Variants in ZHX2 observed in about 807,000 individuals in gnomAD.
ZHX2 encodes zinc fingers and homeoboxes 2.
Under a neutral mutation model 21.9 loss-of-function variants are expected in ZHX2, and 6 were observed. The observed-to-expected ratio is 0.27, with a 90% CI of 0.15 to 0.54. The LOEUF (loss-of-function observed/expected upper bound fraction) is 0.54. Among genes scored for constraint, ZHX2 ranks in the 20% least tolerant of loss-of-function variants. The pLI is 0.95. For synonymous variants in ZHX2, 434 were observed against 437.1 expected, an observed-to-expected ratio of 0.99 and a Z score of 0.09; for missense variants, 908 against 1,090.7, an observed-to-expected ratio of 0.83 and a Z score of 2.36.
intron 2 of ZHX2, among the ~76,000 whole-genome samples, chr8:122,881,536 A>G (rs1204700356): frequency 1.3e-5 from 2 of 152,258 alleles, no homozygotes; most frequent in Non-Finnish European, 2.9e-5. Flanking sequence ...GAGTAAACAT[A>G]GGAACCGTTT....
intron 2 of ZHX2, among the ~76,000 whole-genome samples, chr8:122,913,751 G>A (rs764515071): frequency 6.6e-6 from 1 of 152,230 alleles, no homozygotes; most frequent in Non-Finnish European, 1.5e-5. Flanking sequence ...CTTGACCACA[G>A]AGCACATGTT....
chr8:122,974,397 C>G lies in ZHX2; in HGVS notation c.*1160C>G, dbSNP rs2130401036. Reference sequence around the variant, plus strand: ...ATCCCTCCCCGTCCCACACTGCCCCCCATTTGAGTACACCGCACAAGTCAA... The same window carrying G: ...ATCCCTCCCCGTCCCACACTGCCCCGCATTTGAGTACACCGCACAAGTCAA... On this transcript the variant is annotated 3_prime_UTR_variant, in exon 4 of 4. Coordinates refer to ENST00000314393, the MANE Select transcript of ZHX2 (RefSeq NM_014943.5). 6.6e-6 allele frequency: 1 copy of G among 152,338 alleles called. No homozygotes were observed. Among genetic ancestry groups the G allele is most frequent in the South Asian group, 2.1e-4 (1 of 4,784 alleles). 9.4% of individuals were successfully genotyped at this position (152,338 alleles called of 1,614,324 possible).
At chr8:122,803,535 G>C (rs916792451) in intron 1 of ZHX2, among the ~76,000 whole-genome samples, 2 of 152,200 alleles carry the variant, frequency 1.3e-5, no homozygotes, top group African/African-American at 4.8e-5. Context: ...GGCATCCCTG[G>C]CCTCTGCCAA....
chr8:122,936,784 C>T (rs779165164), intron 2 of ZHX2, among the ~76,000 whole-genome samples: 2 of 152,180 alleles, frequency 1.3e-5, no homozygotes, highest in East Asian at 1.9e-4. Flanking sequence ...TGCTCTCCTC[C>T]GTCGTGGCGA....
intron 1 of ZHX2, among the ~76,000 whole-genome samples, chr8:122,817,244 C>A (rs561019879): frequency 7.2e-5 from 11 of 152,324 alleles, no homozygotes; most frequent in Admixed American, 7.2e-4. Flanking sequence ...ACACAATGCC[C>A]GCGTGCTTTC....
chr8:122,849,585 T>G (rs1818839087), intron 1 of ZHX2, among the ~76,000 whole-genome samples: 1 of 152,186 alleles, frequency 6.6e-6, no homozygotes, highest in South Asian at 2.1e-4. Flanking sequence ...CATCTCTGCC[T>G]CTGTCTTCAC....
chr8:122,959,616 T>C (rs1351804293), intron 3 of ZHX2, among the ~76,000 whole-genome samples: 2 of 152,184 alleles, frequency 1.3e-5, no homozygotes, highest in Non-Finnish European at 1.5e-5. Context: ...TCAATCCTTT[T>C]GCTTGTCCTC....
rs139079843 is a variant in ZHX2 at position 122,909,388 on chromosome 8, G to A, written c.-219-41904G>A. 6.1e-3 allele frequency among the ~76,000 whole-genome samples: 930 copies of A among 151,428 alleles called. 6 individuals are homozygous for A. Among genetic ancestry groups the A allele is most frequent in the African/African-American group, 0.022 (892 of 41,214 alleles). On this transcript the variant is annotated intron_variant, in intron 2 of 3. Transcript: ENST00000314393. The stretch of plus-strand genomic sequence containing the variant: ...GTGGAGGTTGCAGTGAATAAAGATC[G>A]TGCCACTGCACTCCAGCCTGGGTGA...
intron 2 of ZHX2, among the ~76,000 whole-genome samples, chr8:122,937,933 G>GTTTTTTTTTTTTTTTTTTTTTT (rs71310636): frequency 4.1e-5 from 3 of 73,352 alleles, no homozygotes; most frequent in African/African-American, 5.7e-5. Flanking sequence ...TTTCTTTTTG[G>GTTTTTTTTTTTTTTTTTTTTTT]TTTTTTTTTT....
At chr8:122,888,632 G>A (rs984191041) in intron 2 of ZHX2, among the ~76,000 whole-genome samples, 4 of 152,072 alleles carry the variant, frequency 2.6e-5, no homozygotes, top group African/African-American at 9.7e-5. Flanking sequence ...ACAGGTATAC[G>A]CTGCCACATC....
At position 122,951,540 on chromosome 8, in the gene ZHX2, A is replaced by G. The variant is rs146817834; in HGVS notation, c.30A>G (p.Pro10=). ...CTAGCAAACGAAAATCTACAACTCC[A>G]TGCATGGTTCGGACATCACAAGTAG... is the stretch of plus-strand genomic sequence containing the variant. The part of the protein sequence containing the change: MASKRKSTT[P]CMVRTSQVVE... The change falls in exon 3 of 4, where the codon CCA becomes CCG. Residue 10 remains proline, a synonymous_variant. Transcript: ENST00000314393. The G allele has an allele frequency of 1.3e-3, 2,064 of 1,613,478 alleles. 2 individuals are homozygous for G. The highest frequency in any genetic ancestry group is 1.5e-3 in the Non-Finnish European group (1,827 of 1,179,808).
chr8:122,806,619 G>A (rs538622467), intron 1 of ZHX2, among the ~76,000 whole-genome samples: 12 of 152,296 alleles, frequency 7.9e-5, no homozygotes, highest in African/African-American at 2.6e-4. Flanking sequence ...GGGAAGCACC[G>A]GGCTCACAAC....
At chr8:122,885,159 G>A (rs778523693) in intron 2 of ZHX2, among the ~76,000 whole-genome samples, 1 of 152,220 alleles carries the variant, frequency 6.6e-6, no homozygotes, top group Non-Finnish European at 1.5e-5. Flanking sequence ...AAACCAGGTC[G>A]ACTGGAAGAG....
At chr8:122,909,170 C>G (rs1366978077) in intron 2 of ZHX2, among the ~76,000 whole-genome samples, 1 of 152,110 alleles carries the variant, frequency 6.6e-6, no homozygotes, top group Non-Finnish European at 1.5e-5. Context: ...TTGGCTCATG[C>G]CTGTAATCCC....
At chr8:122,819,260 G>A (rs534860282) in intron 1 of ZHX2, among the ~76,000 whole-genome samples, 1 of 152,288 alleles carries the variant, frequency 6.6e-6, no homozygotes, top group Admixed American at 6.5e-5. Context: ...CCTTGAGCAG[G>A]CTGCCTGACC....
chr8:122,908,824 G>T (rs1221851375), intron 2 of ZHX2, among the ~76,000 whole-genome samples: 1 of 152,170 alleles, frequency 6.6e-6, no homozygotes, highest in Non-Finnish European at 1.5e-5. Flanking sequence ...AAAAGAAGGT[G>T]GTTCTTTTTC....
intron 2 of ZHX2, among the ~76,000 whole-genome samples, chr8:122,926,907 G>T (rs1257065548): frequency 1.3e-5 from 2 of 152,086 alleles, no homozygotes; most frequent in Non-Finnish European, 1.5e-5. Context: ...TGAGGATGGC[G>T]TTTAGGGCCC....
At chr8:122,898,177 G>A (rs572930390) in intron 2 of ZHX2, among the ~76,000 whole-genome samples, 2 of 152,310 alleles carry the variant, frequency 1.3e-5, no homozygotes, top group East Asian at 3.9e-4. Context: ...TCATAGAGGT[G>A]AAGTGACTTG....
chr8:122,860,534 A>T, intron 1 of ZHX2, among the ~76,000 whole-genome samples: 1 of 152,366 alleles, frequency 6.6e-6, no homozygotes, highest in Admixed American at 6.5e-5. Flanking sequence ...ATTATAGCAC[A>T]GTTAAAATGG....
Sources: gnomAD v4.1 joint callset for allele counts (sites outside exome capture counted in the v4.1 genomes callset) on GRCh38, gnomAD v4.1.1 for gene constraint, MANE v1.5 for transcripts, NCBI Gene and HGNC (gene_info 2026-07-23, HGNC 2026-07-21) for gene names.